The following CCDC6 variants were observed in gnomAD, a reference collection of about 807,000 sequenced individuals.
The protein encoded by CCDC6 is coiled-coil domain containing 6.
Under a neutral mutation model 56.6 loss-of-function variants are expected in CCDC6, and 20 were observed. The ratio of observed to expected loss-of-function variants is 0.35; its 90% CI spans 0.25 to 0.51. The LOEUF (loss-of-function observed/expected upper bound fraction) is 0.51, where lower values mean the gene tolerates loss of function less well. Ranked by LOEUF, CCDC6 falls within the 20% of genes least tolerant of loss-of-function variation. The pLI is 0.95. For synonymous variants in CCDC6, 241 were observed against 234.4 expected (o/e 1.03, Z -0.26); for missense variants, 367 against 601.1 (o/e 0.61, Z 4.07).
chr10:59,790,528 A>C lies in CCDC6; in HGVS notation c.*2389T>G. On this transcript the variant is annotated 3_prime_UTR_variant, in exon 9 of 9. Coordinates refer to ENST00000263102, the MANE Select transcript of CCDC6 (RefSeq NM_005436.5). ...GAAATTGTCCTAGCAGGTACTACCCAAGTGTTACAGGCTCTGCATAGGTCC... is the reference window on the plus strand; with the variant it reads ...GAAATTGTCCTAGCAGGTACTACCCCAGTGTTACAGGCTCTGCATAGGTCC... 4.5e-6 allele frequency: 1 copy of C among 220,568 alleles called. No homozygotes were observed. The highest frequency in any genetic ancestry group is 2.2e-5 in the African/African-American group (1 of 44,704). The allele number at this position is 220,568 out of a possible 1,614,324, so 13.7% of individuals were successfully genotyped here. A position where few individuals can be genotyped will look rare whatever the true frequency, so the allele number is the denominator to read the frequency against.
At chr10:59,903,533 G>A (rs2132691000) in intron 1 of CCDC6, among the ~76,000 whole-genome samples, 1 of 152,190 alleles carries the variant, frequency 6.6e-6, no homozygotes, top group Non-Finnish European at 1.5e-5. Context: ...TGGCAAAAAG[G>A]CAATGTGTCT....
chr10:59,873,482 G>A (rs377627503), intron 1 of CCDC6, among the ~76,000 whole-genome samples: 1 of 152,096 alleles, frequency 6.6e-6, no homozygotes, highest in Non-Finnish European at 1.5e-5. Flanking sequence ...GTTTCCAAGG[G>A]AGAACAACCC....
Position 59,789,490 on chromosome 10 carries a change from T to C in CCDC6, c.*3427A>G. On this transcript the variant is annotated 3_prime_UTR_variant, in exon 9 of 9. Transcript: ENST00000263102. ...AACAAAGAAAAAAACAAACAAAAAA[T>C]CACCAAAAACCTAGAAACCCCTTAA... is the stretch of plus-strand genomic sequence containing the variant. 1 of 232,356 alleles carries C rather than the reference T, an allele frequency of 4.3e-6. No homozygotes were observed. Among genetic ancestry groups the C allele is most frequent in the East Asian group, 6.1e-5 (1 of 16,462 alleles). The allele number at this position is 232,356 out of a possible 1,614,324, so 14.4% of individuals were successfully genotyped here. A position where few individuals can be genotyped will look rare whatever the true frequency, so the allele number is the denominator to read the frequency against.
intron 1 of CCDC6, among the ~76,000 whole-genome samples, chr10:59,878,183 A>G (rs1444914620): frequency 6.6e-6 from 1 of 152,242 alleles, no homozygotes; most frequent in East Asian, 1.9e-4. Flanking sequence ...CTATAGATTT[A>G]TGAAAAACAA....
intron 1 of CCDC6, among the ~76,000 whole-genome samples, chr10:59,865,681 GTC>G (rs1191909554): frequency 2.0e-5 from 3 of 151,760 alleles, no homozygotes; most frequent in African/African-American, 7.3e-5. Context: ...GTGAAACTCT[GTC>G]TCTACTAAAA....
At chr10:59,902,395 T>C (rs2071510288) in intron 1 of CCDC6, among the ~76,000 whole-genome samples, 1 of 144,332 alleles carries the variant, frequency 6.9e-6, no homozygotes, top group South Asian at 2.3e-4. Context: ...ACTCTTTTTT[T>C]TTTTTTTTTT....
intron 4 of CCDC6, among the ~76,000 whole-genome samples, 185 bp downstream of exon 4, chr10:59,814,467 T>A (rs937353261): frequency 2.0e-5 from 3 of 152,126 alleles, no homozygotes; most frequent in Non-Finnish European, 4.4e-5. Flanking sequence ...TAGCAAAGAA[T>A]AAAGAGGTGC....
chr10:59,836,997 T>C (rs149887021), intron 2 of CCDC6, among the ~76,000 whole-genome samples: 7 of 152,364 alleles, frequency 4.6e-5, no homozygotes, highest in East Asian at 1.9e-4. Context: ...ATTAGATATA[T>C]AGTCTCAAAG....
chr10:59,842,379 A>G (rs1589047180), intron 2 of CCDC6, among the ~76,000 whole-genome samples: 1 of 152,186 alleles, frequency 6.6e-6, no homozygotes, highest in Non-Finnish European at 1.5e-5. Context: ...GTCAGGTTTC[A>G]GTTCTATTCT....
intron 3 of CCDC6, among the ~76,000 whole-genome samples, chr10:59,822,763 C>G (rs1360901744): frequency 3.3e-5 from 5 of 152,038 alleles, no homozygotes; most frequent in African/African-American, 1.2e-4. Flanking sequence ...AGGGTAGGTC[C>G]CTGGCAAAAC....
rs1426942144 is a variant in CCDC6, at chr10:59,797,845, A to C, written c.1106-3248T>G. Among the ~76,000 whole-genome samples the C allele has an allele frequency of 2.6e-5, 4 of 152,176 alleles. No individual in the cohort carries two copies. The East Asian group carries it at 7.7e-4, about 29-fold the overall frequency. On this transcript the variant is annotated intron_variant, in intron 7 of 8. Coordinates refer to ENST00000263102, the MANE Select transcript of CCDC6 (RefSeq NM_005436.5). ...AAGAAACAATCCCCAGTCCAATATA[A>C]TGTTCTGTGTAGTCTTCATGTAGGA...
intron 7 of CCDC6, among the ~76,000 whole-genome samples, chr10:59,796,321 G>GTTGT (rs34860278): frequency 0.43 from 53,269 of 124,398 alleles, 12,573 homozygotes; most frequent in African/African-American, 0.6. Flanking sequence ...TTTTGATGGG[G>GTTGT]TTGTTTTTTT....
At chr10:59,890,365 A>C (rs1363569809) in intron 1 of CCDC6, among the ~76,000 whole-genome samples, 1 of 152,204 alleles carries the variant, frequency 6.6e-6, no homozygotes, top group Admixed American at 6.5e-5. Context: ...CATCCTGAGA[A>C]GACTCCAAAG....
chr10:59,877,607 G>T (rs918112397), intron 1 of CCDC6, among the ~76,000 whole-genome samples: 5 of 152,208 alleles, frequency 3.3e-5, no homozygotes, highest in Admixed American at 3.3e-4. Flanking sequence ...TGTTTGTGGA[G>T]CAAGAGAGAC....
chr10:59,812,192 T>C (rs1000621198), intron 5 of CCDC6, among the ~76,000 whole-genome samples: 10 of 152,024 alleles, frequency 6.6e-5, no homozygotes, highest in African/African-American at 2.4e-4. Flanking sequence ...AAATATTAAG[T>C]ATAAATTTCA....
At chr10:59,903,311 CG>C (rs1478337710) in intron 1 of CCDC6, among the ~76,000 whole-genome samples, 5 of 152,112 alleles carry the variant, frequency 3.3e-5, no homozygotes, top group Admixed American at 1.3e-4. Flanking sequence ...GATGTATCAA[CG>C]TAGGTTCACT....
intron 2 of CCDC6, among the ~76,000 whole-genome samples, chr10:59,851,833 A>C (rs1003929252): frequency 2.6e-5 from 4 of 152,124 alleles, no homozygotes; most frequent in African/African-American, 9.7e-5. Flanking sequence ...ATGAAAACTC[A>C]ATATCCCACT....
At chr10:59,893,823 C>T (rs2071442551) in intron 1 of CCDC6, among the ~76,000 whole-genome samples, 1 of 152,170 alleles carries the variant, frequency 6.6e-6, no homozygotes, top group African/African-American at 2.4e-5. Flanking sequence ...ATGGAAAACA[C>T]AAATGACCCT....
chr10:59,900,398 C>G (rs3793866), intron 1 of CCDC6, among the ~76,000 whole-genome samples: 3 of 151,952 alleles, frequency 2.0e-5, no homozygotes, highest in Non-Finnish European at 4.4e-5. Flanking sequence ...TTTAAGGGGA[C>G]GAGCGGCACC....
Sources: gnomAD v4.1 joint callset for allele counts (sites outside exome capture counted in the v4.1 genomes callset) on GRCh38, gnomAD v4.1.1 for gene constraint, MANE v1.5 for transcripts, NCBI Gene and HGNC (gene_info 2026-07-23, HGNC 2026-07-21) for gene names.